The following GNB1L variants were observed in gnomAD, a reference collection of about 807,000 sequenced individuals.
The protein encoded by GNB1L is guanine nucleotide-binding protein subunit beta-like protein 1.
Under a neutral mutation model 29.1 loss-of-function variants are expected in GNB1L, and 20 were observed. The observed-to-expected ratio is 0.69, with a 90% CI of 0.48 to 1.00. The LOEUF (loss-of-function observed/expected upper bound fraction) is 1.00, where lower values mean the gene tolerates loss of function less well. GNB1L is among the 50% of genes least tolerant of loss of function. The pLI is 0.00. For missense variants in GNB1L, 421 were observed against 464.9 expected (o/e 0.91, Z 0.87); for synonymous variants, 193 against 206.5 (o/e 0.93, Z 0.56).
At chr22:19,849,597 C>T in intron 2 of GNB1L, 2 of 712,346 alleles carry the variant, frequency 2.8e-6, no homozygotes, top group Non-Finnish European at 3.4e-6. Context: ...GAACTCCTGA[C>T]CTCAGGTGAT....
rs572201396 is a variant in GNB1L, at chr22:19,818,150, T to C, written c.254+2448A>G. Among the ~76,000 whole-genome samples, 853 of 152,366 alleles carry C rather than the reference T, an allele frequency of 5.6e-3. 10 individuals carry two copies. The highest frequency in any genetic ancestry group is 0.02 in the African/African-American group (819 of 41,594). On this transcript the variant is annotated intron_variant, in intron 4 of 7. Transcript: ENST00000329517. ...AGACCCCCTGACCCGTGGCTGGCTCTGCCTGGGAAGCAGCCACTACAGCAC... is the reference window on the plus strand; with the variant it reads ...AGACCCCCTGACCCGTGGCTGGCTCCGCCTGGGAAGCAGCCACTACAGCAC...
intron 5 of GNB1L, among the ~76,000 whole-genome samples, chr22:19,807,063 G>A (rs1163309068): frequency 1.3e-5 from 2 of 151,164 alleles, no homozygotes; most frequent in East Asian, 4.0e-4. Flanking sequence ...CCTGGTGTAG[G>A]CTTTACATAC....
intron 2 of GNB1L, among the ~76,000 whole-genome samples, chr22:19,825,661 T>A (rs933218681): frequency 1.3e-5 from 2 of 148,508 alleles, no homozygotes; most frequent in Non-Finnish European, 3.0e-5. Flanking sequence ...TTTAAAAAAT[T>A]TTTTTAAACA....
intron 2 of GNB1L, chr22:19,851,587 G>A (rs61754879): frequency 1.3e-5 from 21 of 1,603,858 alleles, no homozygotes; most frequent in Middle Eastern, 1.7e-4. Context: ...TACCCATGTC[G>A]AGTGCCAGGC....
chr22:19,791,551 C>T (rs1475905669), intron 7 of GNB1L, among the ~76,000 whole-genome samples: 2 of 152,182 alleles, frequency 1.3e-5, no homozygotes, highest in Non-Finnish European at 2.9e-5. Flanking sequence ...AGATCATAAT[C>T]TGCAGTAGCC....
At chr22:19,851,849 C>T (rs768921611) in intron 2 of GNB1L, 60 of 1,613,796 alleles carry the variant, frequency 3.7e-5, no homozygotes, top group African/African-American at 4.0e-5. Flanking sequence ...CTCGCAGACA[C>T]GGCTGATGTT....
intron 2 of GNB1L, among the ~76,000 whole-genome samples, chr22:19,840,638 C>T (rs1281631596): frequency 2.0e-5 from 3 of 151,990 alleles, no homozygotes; most frequent in Non-Finnish European, 2.9e-5. Context: ...GGTGAAATGC[C>T]GACCCTACTA....
intron 2 of GNB1L, among the ~76,000 whole-genome samples, chr22:19,835,693 A>G (rs576197132): frequency 1.3e-5 from 2 of 152,264 alleles, no homozygotes; most frequent in East Asian, 3.9e-4. Flanking sequence ...AAAAATGTAA[A>G]AAAACAAAGT....
At chr22:19,819,048 C>G (rs2145880291) in intron 4 of GNB1L, among the ~76,000 whole-genome samples, 1 of 152,320 alleles carries the variant, frequency 6.6e-6, no homozygotes, top group Non-Finnish European at 1.5e-5. Flanking sequence ...CTCCACAAGA[C>G]CACGGGGGCG....
chr22:19,809,351 G>A (rs554229096), intron 5 of GNB1L, among the ~76,000 whole-genome samples: 1 of 152,060 alleles, frequency 6.6e-6, no homozygotes, highest in East Asian at 1.9e-4. Context: ...CAACTCCAGG[G>A]GAAAACCATC....
intron 2 of GNB1L, chr22:19,852,014 G>C (rs755039136): frequency 4.0e-5 from 64 of 1,614,022 alleles, no homozygotes; most frequent in Non-Finnish European, 5.3e-5. Flanking sequence ...CATGTGCCCA[G>C]CTAGGGGACC....
intron 2 of GNB1L, 93 bp from the exon 3 acceptor site, chr22:19,821,468 C>A (rs1300633588): frequency 1.9e-5 from 24 of 1,260,328 alleles, no homozygotes; most frequent in Non-Finnish European, 2.3e-5. Flanking sequence ...AGATGTTGCC[C>A]CTGCTCATTG....
In GNB1L at chr22:19,851,017, C is replaced by T. The variant is rs569677442; in HGVS notation, c.-21+3426G>A. Reference sequence around the variant, plus strand: ...AGTTGGGGGAGCTGGTTCTGCTCAGCGCAGAGTCCAAAACAAGCGCATCTT... The same window carrying T: ...AGTTGGGGGAGCTGGTTCTGCTCAGTGCAGAGTCCAAAACAAGCGCATCTT... On this transcript the variant is annotated intron_variant, in intron 2 of 7. Coordinates refer to ENST00000329517, the MANE Select transcript of GNB1L (RefSeq NM_053004.3). 1.5e-4 allele frequency: 218 copies of T among 1,435,990 alleles called. 1 individual carries two copies. Among genetic ancestry groups the T allele is most frequent in the South Asian group, 3.3e-4 (22 of 65,676 alleles). 89.0% of individuals were successfully genotyped at this position (1,435,990 alleles called of 1,614,324 possible).
intron 2 of GNB1L, chr22:19,847,059 A>G (rs531708951): frequency 5.3e-4 from 521 of 985,400 alleles, no homozygotes; most frequent in Non-Finnish European, 6.1e-4. Flanking sequence ...CTGCCGTCCT[A>G]TGGAACTCAG....
chr22:19,828,644 TA>T lies in GNB1L; in HGVS notation c.-20-7270del, dbSNP rs565527748. On this transcript the variant is annotated intron_variant, in intron 2 of 7. Transcript: ENST00000329517. ...CTGGGTGACAGAGTGAGACCCTATC[TA>T]AAAAAAAAACTATATATATAACAGT... is the stretch of plus-strand genomic sequence containing the variant. 1.5e-4 allele frequency among the ~76,000 whole-genome samples: 22 copies of T among 146,600 alleles called. No individual in the cohort carries two copies. The South Asian group carries it at 3.2e-3, about 22-fold the overall frequency.
intron 7 of GNB1L, among the ~76,000 whole-genome samples, chr22:19,795,781 G>A (rs73148917): frequency 0.11 from 17,493 of 152,220 alleles, 1,586 homozygotes; most frequent in East Asian, 0.45. Flanking sequence ...AGCCCAGGGA[G>A]GTGGCAGGAC....
chr22:19,816,936 C>T lies in GNB1L; in HGVS notation c.254+3662G>A, dbSNP rs1937529817. 6.6e-6 allele frequency among the ~76,000 whole-genome samples: 1 copy of T among 152,194 alleles called. No homozygotes were observed. Among genetic ancestry groups the T allele is most frequent in the African/African-American group, 2.4e-5 (1 of 41,448 alleles). On this transcript the variant is annotated intron_variant, in intron 4 of 7. Transcript: ENST00000329517. This position sits in a 1 kb window ranked among gnomAD's most constrained non-coding sequence, Gnocchi z 4.4. ...CCTGGCACCCCCTTCCCACCCCATC[C>T]AAGGGGCACTGAGGTGGGGGAAGGC...
chr22:19,830,886 G>A (rs1184283156), intron 2 of GNB1L, among the ~76,000 whole-genome samples: 1 of 152,210 alleles, frequency 6.6e-6, no homozygotes, highest in African/African-American at 2.4e-5. Flanking sequence ...ACGTGTGGAA[G>A]TTTAATACAT....
At chr22:19,841,610 G>A (rs1201361015) in intron 2 of GNB1L, among the ~76,000 whole-genome samples, 1 of 152,188 alleles carries the variant, frequency 6.6e-6, no homozygotes, top group Non-Finnish European at 1.5e-5. Flanking sequence ...CTACTGCACT[G>A]CAGCCTAGCC....
Sources: gnomAD v4.1 joint callset for allele counts (sites outside exome capture counted in the v4.1 genomes callset) on GRCh38, gnomAD v4.1.1 for gene constraint, Gnocchi (gnomAD v3.1) non-coding constraint, MANE v1.5 for transcripts, NCBI Gene and HGNC (gene_info 2026-07-23, HGNC 2026-07-21) for gene names.